Variants in REV3L observed in about 807,000 individuals in gnomAD.
REV3L encodes DNA polymerase zeta catalytic subunit.
In REV3L, 69 loss-of-function variants were observed where a neutral mutation model predicts 299.4. The observed-to-expected ratio is 0.23, with a 90% CI of 0.19 to 0.28. REV3L has a LOEUF of 0.28. Ranked by LOEUF, REV3L falls within the 10% of genes least tolerant of loss-of-function variation. REV3L has a pLI of 1.00. For missense variants in REV3L, 3,128 were observed against 3,693.8 expected, an observed-to-expected ratio of 0.85 and a Z score of 3.97; for synonymous variants, 1,238 against 1,271.4, an observed-to-expected ratio of 0.97 and a Z score of 0.56.
intron 21 of REV3L, among the ~76,000 whole-genome samples, chr6:111,337,452 T>G: frequency 6.6e-6 from 1 of 152,150 alleles, no homozygotes; most frequent in East Asian, 1.9e-4. Flanking sequence ...TCGAAACACT[T>G]ACTGAATATC....
chr6:111,377,363 A>C (rs1219235233), intron 12 of REV3L, among the ~76,000 whole-genome samples: 2 of 152,118 alleles, frequency 1.3e-5, no homozygotes, highest in Non-Finnish European at 2.9e-5. Flanking sequence ...TGGAGGCAGA[A>C]TCTTGTTCTG....
intron 13 of REV3L, among the ~76,000 whole-genome samples, chr6:111,372,217 T>G (rs1273442705): frequency 2.0e-5 from 3 of 152,186 alleles, no homozygotes; most frequent in Non-Finnish European, 4.4e-5. Context: ...GAAGTTCTTT[T>G]AAAATGGTAT....
At chr6:111,326,860 T>C (rs912250925) in intron 25 of REV3L, among the ~76,000 whole-genome samples, 2 of 152,218 alleles carry the variant, frequency 1.3e-5, no homozygotes, top group Non-Finnish European at 2.9e-5. Flanking sequence ...TGGTGCTAAC[T>C]TTTCACTTAT....
chr6:111,475,597 TATAA>T (rs1342962414), intron 1 of REV3L, among the ~76,000 whole-genome samples: 3 of 152,206 alleles, frequency 2.0e-5, no homozygotes, highest in East Asian at 1.9e-4. Flanking sequence ...TTTATTATAT[TATAA>T]ATAAAGTTGT....
intron 1 of REV3L, among the ~76,000 whole-genome samples, chr6:111,430,049 G>A (rs894476430): frequency 2.0e-5 from 3 of 152,076 alleles, no homozygotes; most frequent in African/African-American, 7.3e-5. Flanking sequence ...AGGTTCCAGG[G>A]GAAGAAAAGG....
At chr6:111,438,065 C>CTATTTTAT (rs1787812779) in intron 1 of REV3L, among the ~76,000 whole-genome samples, 1 of 150,972 alleles carries the variant, frequency 6.6e-6, no homozygotes, top group East Asian at 1.9e-4. Flanking sequence ...TCGCTAAGTG[C>CTATTTTAT]TTAGACTGGT....
chr6:111,479,152 G>C (rs2128345137), intron 1 of REV3L, among the ~76,000 whole-genome samples: 1 of 152,300 alleles, frequency 6.6e-6, no homozygotes, highest in African/African-American at 2.4e-5. Flanking sequence ...CATTTGTAGT[G>C]AATCCTCTGA....
At chr6:111,476,353 T>C (rs1292745563) in intron 1 of REV3L, among the ~76,000 whole-genome samples, 1 of 152,108 alleles carries the variant, frequency 6.6e-6, no homozygotes, top group Non-Finnish European at 1.5e-5. Context: ...GATAGCGTCT[T>C]TCCATGTTGC....
In REV3L at chr6:111,389,823, G is replaced by A. The variant is rs7754837; in HGVS notation, c.757+263C>T. Among the ~76,000 whole-genome samples, 215 of 128,694 alleles carry A rather than the reference G, an allele frequency of 1.7e-3. 1 individual carries two copies. Among genetic ancestry groups the A allele is most frequent in the African/African-American group, 5.6e-3 (191 of 33,880 alleles). The allele number at this position is 128,694 out of a possible 152,430, so 84.4% of individuals were successfully genotyped here. On this transcript the variant is annotated intron_variant, in intron 6 of 31. Transcript: ENST00000368802. ...GCGATCTTGGCCCACTGCAACCTCC[G>A]CCACCCAGGCTCAAGTGATTCCCCT...
intron 1 of REV3L, chr6:111,430,662 G>A (rs1052012518): frequency 1.3e-6 from 2 of 1,519,820 alleles, no homozygotes; most frequent in Non-Finnish European, 1.8e-6. Context: ...GAGGACTCTG[G>A]AGATGCCAAA....
rs1472995519 is a variant in REV3L at position 111,405,615 on chromosome 6, C to T, written c.420G>A (p.Leu140=). 3 of 1,593,476 alleles carry T rather than the reference C, an allele frequency of 1.9e-6. No individual in the cohort carries two copies. The African/African-American group carries it at 4.1e-5, about 22-fold the overall frequency. The change falls in exon 4 of 32, where the codon TTG becomes TTA. Residue 140 remains leucine, a synonymous_variant. Transcript: ENST00000368802. ...PTMVKRICEL[L]QSGAIMNKFY... Reference sequence around the variant, plus strand: ...ATTTATTCATTATGGCTCCGCTTTGCAAAAGTTCACATATCCTAAATTAGA... The same window carrying T: ...ATTTATTCATTATGGCTCCGCTTTGTAAAAGTTCACATATCCTAAATTAGA...
At chr6:111,402,715 T>C (rs1326500249) in intron 4 of REV3L, among the ~76,000 whole-genome samples, 1 of 151,898 alleles carries the variant, frequency 6.6e-6, no homozygotes, top group South Asian at 2.1e-4. Flanking sequence ...AAAAGTGAAC[T>C]AAGAGACAAA....
In REV3L at chr6:111,434,970, C is replaced by T. The variant is rs112046892; in HGVS notation, c.140-18498G>A. Among the ~76,000 whole-genome samples, 1,122 of 152,138 alleles carry T rather than the reference C, an allele frequency of 7.4e-3. 13 individuals are homozygous for T. Among genetic ancestry groups the T allele is most frequent in the African/African-American group, 0.026 (1,068 of 41,500 alleles). On this transcript the variant is annotated intron_variant, in intron 1 of 31. Coordinates refer to ENST00000368802, the MANE Select transcript of REV3L (RefSeq NM_001372078.1). The stretch of plus-strand genomic sequence containing the variant: ...CCTGTATCCCAGCACTTTGGGAGGC[C>T]GAGACTGAAGGACTGCCTGAGCCCA...
intron 1 of REV3L, among the ~76,000 whole-genome samples, chr6:111,458,212 G>A (rs1016146305): frequency 6.6e-6 from 1 of 152,086 alleles, no homozygotes; most frequent in African/African-American, 2.4e-5. Context: ...CTCAATAGAT[G>A]CAGAAAAAGC....
rs3218573 is a variant in REV3L at position 111,315,177 on chromosome 6, T to C, written c.8466+90A>G. 3.2e-3 allele frequency: 3,418 copies of C among 1,059,280 alleles called. 123 individuals carry two copies. The East Asian group carries it at 0.072, about 22-fold the overall frequency. 65.6% of individuals were successfully genotyped at this position (1,059,280 alleles called of 1,614,324 possible). A position where few individuals can be genotyped will look rare whatever the true frequency, so the allele number is the denominator to read the frequency against. ...ACACTTTAATAGACCCGTATACTGT[T>C]AGTGATTCTGAAAATGTACTGAACA... On this transcript the variant is annotated intron_variant, in intron 27 of 31. Transcript: ENST00000368802.
In REV3L at chr6:111,303,701, C is replaced by CTTTTTTTTTTTTTT. The variant is rs58366929; in HGVS notation, c.9253-3559_9253-3546dup. ...TTTTTTTTTTTTTAACAGACTATGA[C>CTTTTTTTTTTTTTT]TTTTTTTTTTTTTTTTTTTTTTTTT... On this transcript the variant is annotated intron_variant, in intron 31 of 31. Transcript: ENST00000368802. Among the ~76,000 whole-genome samples the CTTTTTTTTTTTTTT allele has an allele frequency of 9.5e-4, 12 of 12,644 alleles. 2 individuals are homozygous for CTTTTTTTTTTTTTT. Among genetic ancestry groups the CTTTTTTTTTTTTTT allele is most frequent in the East Asian group, 0.017 (2 of 120 alleles). The allele number at this position is 12,644 out of a possible 152,430, so 8.3% of individuals were successfully genotyped here. A position where few individuals can be genotyped will look rare whatever the true frequency, so the allele number is the denominator to read the frequency against.
chr6:111,427,723 A>G (rs1419799131), intron 1 of REV3L, among the ~76,000 whole-genome samples: 1 of 152,192 alleles, frequency 6.6e-6, no homozygotes, highest in Non-Finnish European at 1.5e-5. Context: ...CTTCTCCACC[A>G]TCTTGGGTTT....
chr6:111,460,967 T>C (rs539445016), intron 1 of REV3L, among the ~76,000 whole-genome samples: 1 of 152,234 alleles, frequency 6.6e-6, no homozygotes, highest in Admixed American at 6.6e-5. Context: ...AAACCTACAC[T>C]GCCAGTTGTA....
chr6:111,462,826 T>C (rs1408787607), intron 1 of REV3L, among the ~76,000 whole-genome samples: 2 of 152,016 alleles, frequency 1.3e-5, no homozygotes. Context: ...ACTCAGCAAA[T>C]ATTAAAAACA....
Sources: allele counts gnomAD v4.1 joint callset (sites outside exome capture counted in the v4.1 genomes callset), GRCh38; gene constraint gnomAD v4.1.1; transcripts MANE v1.5; gene names NCBI Gene and HGNC (gene_info 2026-07-23, HGNC 2026-07-21).